Variants in PCDHA8 observed in about 807,000 individuals in gnomAD.
PCDHA8 encodes the protein protocadherin alpha 8.
In PCDHA8, 53 loss-of-function variants were observed where a neutral mutation model predicts 61.8. The observed-to-expected ratio is 0.86, with a 90% CI of 0.69 to 1.08. The LOEUF (loss-of-function observed/expected upper bound fraction) is 1.08. Ranked by LOEUF, PCDHA8 falls within the 50% of genes least tolerant of loss-of-function variation. The probability of loss-of-function intolerance (pLI) is 0.00; values close to 1 mark genes in which losing one functional copy is unlikely to be tolerated. For missense variants in PCDHA8, 1,293 were observed against 1,245.0 expected, an observed-to-expected ratio of 1.04 and a Z score of -0.58; for synonymous variants, 618 against 556.6, an observed-to-expected ratio of 1.11 and a Z score of -1.55.
Position 141,010,316 on chromosome 5 carries a change from G to T in PCDHA8, c.*379G>T. ...GGGCAGGCTGAAAAGTTTTGAGATT[G>T]AGCAGCTTGGGAGTTTGTGGCCACT... On this transcript the variant is annotated 3_prime_UTR_variant, in exon 4 of 4. Coordinates refer to ENST00000531613, the MANE Select transcript of PCDHA8 (RefSeq NM_018911.3). The T allele has an allele frequency of 1.3e-6, 2 of 1,546,404 alleles. No individual in the cohort carries two copies. The highest frequency in any genetic ancestry group is 2.4e-5 in the South Asian group (2 of 83,328).
chr5:140,842,894 C>T lies in PCDHA8; in HGVS notation c.1573C>T (p.His525Tyr). The T allele has an allele frequency of 6.3e-7, 1 of 1,594,372 alleles. No individual in the cohort carries two copies. Among genetic ancestry groups the T allele is most frequent in the Non-Finnish European group, 8.6e-7 (1 of 1,165,456 alleles). ...GGTGTACGCGCTGCAGCCGCTGGAC[C>T]ACGAGGAGCTAGAGCTGCTGCAGTT... ...GKVYALQPLD[H>Y]EELELLQFQV... Residue 525 changes from histidine (H) to tyrosine (Y), a missense_variant, in exon 1 of 4, where the codon CAC (histidine) becomes TAC (tyrosine). By Grantham distance (83) the His-to-Tyr change is moderately conservative (BLOSUM62 2). Transcript: ENST00000531613.
At chr5:141,008,809 C>T (rs1397377778) in intron 3 of PCDHA8, among the ~76,000 whole-genome samples, 2 of 152,160 alleles carry the variant, frequency 1.3e-5, no homozygotes, top group African/African-American at 4.8e-5. Flanking sequence ...CAAATAGGCT[C>T]AATTTACAAC....
chr5:140,919,120 C>G (rs1554198933), intron 1 of PCDHA8, among the ~76,000 whole-genome samples: 2 of 152,008 alleles, frequency 1.3e-5, no homozygotes, highest in African/African-American at 4.8e-5. Context: ...CCAGTTTTTG[C>G]TTCATGTGTT....
At chr5:140,941,202 C>CCTTTCTTCCTTCCTTTCTTTCTTT (rs1394736170) in intron 1 of PCDHA8, among the ~76,000 whole-genome samples, 4 of 122,742 alleles carry the variant, frequency 3.3e-5, no homozygotes, top group African/African-American at 5.9e-5. Context: ...TTTCTTTCTT[C>CCTTTCTTCCTTCCTTTCTTTCTTT]CTTTCTTTCT....
intron 1 of PCDHA8, among the ~76,000 whole-genome samples, chr5:140,872,046 C>T (rs1554166008): frequency 6.6e-6 from 1 of 152,230 alleles, no homozygotes; most frequent in Non-Finnish European, 1.5e-5. Context: ...AGAATTCTCC[C>T]ACTTCAGCCT....
chr5:140,877,792 CCAAGCCTTCAGCT>C, intron 1 of PCDHA8: 1 of 1,614,004 alleles, frequency 6.2e-7, no homozygotes, highest in East Asian at 2.2e-5. Context: ...GGCCTTCAGC[CCAAGCCTTCAGCT>C]GTCTCGAGAA....
intron 1 of PCDHA8, among the ~76,000 whole-genome samples, chr5:140,896,652 C>T (rs1393897195): frequency 2.6e-5 from 4 of 152,018 alleles, no homozygotes; most frequent in African/African-American, 9.7e-5. Flanking sequence ...GCTAGTATTA[C>T]AGGCATGAGT....
At chr5:140,855,253 C>A (rs2043395056) in intron 1 of PCDHA8, among the ~76,000 whole-genome samples, 2 of 149,832 alleles carry the variant, frequency 1.3e-5, no homozygotes, top group South Asian at 4.2e-4. Flanking sequence ...CAAGCACTTA[C>A]TATATTATAA....
chr5:140,843,593 G>T lies in PCDHA8; in HGVS notation c.2272G>T (p.Val758Leu). 1.3e-6 allele frequency: 2 copies of T among 1,596,072 alleles called. No individual in the cohort carries two copies. Among genetic ancestry groups the T allele is most frequent in the Non-Finnish European group, 1.7e-6 (2 of 1,165,522 alleles). ...ATACTCGCAACAACAGCCGCAGAGG[G>T]TGTGCTCTGGTGAGGGGCCACCGAA... ...WSYSQQQPQR[V>L]CSGEGPPKTD... The change falls in exon 1 of 4, where the codon GTG (valine) becomes TTG (leucine). Residue 758 changes from valine to leucine, a missense_variant. By Grantham distance (32) the Val-to-Leu change is conservative. Coordinates refer to ENST00000531613, the MANE Select transcript of PCDHA8 (RefSeq NM_018911.3).
At chr5:140,968,310 G>T (rs2096237719) in intron 1 of PCDHA8, 4 of 1,613,920 alleles carry the variant, frequency 2.5e-6, no homozygotes, top group Non-Finnish European at 3.4e-6. Flanking sequence ...GAGATTCAAG[G>T]GCTGCCAGTC....
chr5:140,917,331 G>T (rs1256665914), intron 1 of PCDHA8, among the ~76,000 whole-genome samples: 12 of 137,574 alleles, frequency 8.7e-5, no homozygotes, highest in African/African-American at 3.0e-4. Context: ...TGGCGGGGGA[G>T]GGGGGGGATG....
intron 1 of PCDHA8, chr5:140,883,896 C>G (rs199847007): frequency 6.2e-7 from 1 of 1,613,386 alleles, no homozygotes; most frequent in African/African-American, 1.3e-5. Context: ...TCTGGCGTGC[C>G]GCCTCTGGGC....
chr5:140,929,517 A>G, intron 1 of PCDHA8: 1 of 761,634 alleles, frequency 1.3e-6, no homozygotes, highest in Non-Finnish European at 1.9e-6. Context: ...CAAGGGACTT[A>G]TAGTTTATTT....
At chr5:140,874,041 G>C (rs1385679236) in intron 1 of PCDHA8, among the ~76,000 whole-genome samples, 1 of 152,212 alleles carries the variant, frequency 6.6e-6, no homozygotes, top group African/African-American at 2.4e-5. Flanking sequence ...GAAACTTGGT[G>C]ATGATATTAG....
intron 1 of PCDHA8, among the ~76,000 whole-genome samples, chr5:140,915,886 T>G (rs1259377999): frequency 2.6e-5 from 4 of 152,186 alleles, no homozygotes; most frequent in Admixed American, 6.5e-5. Flanking sequence ...GGGTAGCAAG[T>G]TCCCCCTGGC....
At chr5:140,905,298 T>A (rs1171619023) in intron 1 of PCDHA8, among the ~76,000 whole-genome samples, 2 of 152,218 alleles carry the variant, frequency 1.3e-5, no homozygotes, top group African/African-American at 2.4e-5. Context: ...TAAGGTGTCC[T>A]TTCCACACTT....
chr5:140,913,659 A>T (rs1414002446), intron 1 of PCDHA8, among the ~76,000 whole-genome samples: 2 of 152,044 alleles, frequency 1.3e-5, no homozygotes, highest in Non-Finnish European at 2.9e-5. Flanking sequence ...TTTAAGATGT[A>T]TAGTTAGGTT....
At chr5:140,906,736 A>G (rs1554192686) in intron 1 of PCDHA8, among the ~76,000 whole-genome samples, 1 of 152,132 alleles carries the variant, frequency 6.6e-6, no homozygotes, top group Admixed American at 6.5e-5. Context: ...GTAGTTTCCC[A>G]TTGACACAGG....
At chr5:140,848,603 G>A (rs144574743) in intron 1 of PCDHA8, 1 of 1,581,062 alleles carries the variant, frequency 6.3e-7, no homozygotes, top group Non-Finnish European at 8.7e-7. Flanking sequence ...ACTCCGTCCC[G>A]GAGGAAGCCG....
Sources: gnomAD v4.1 joint callset for allele counts (sites outside exome capture counted in the v4.1 genomes callset) on GRCh38, gnomAD v4.1.1 for gene constraint, MANE v1.5 for transcripts, NCBI Gene and HGNC (gene_info 2026-07-23, HGNC 2026-07-21) for gene names.